The following PHF2 variants were observed in gnomAD, a reference collection of about 807,000 sequenced individuals.
PHF2 encodes lysine-specific demethylase PHF2.
PHF2 carries 27 observed loss-of-function variants against 120.5 expected under a neutral mutation model. The observed-to-expected ratio is 0.22, with a 90% confidence interval of 0.17 to 0.31. The LOEUF is 0.31. Ranked by LOEUF, PHF2 falls within the 10% of genes least tolerant of loss-of-function variation. The probability of loss-of-function intolerance (pLI) is 1.00; values close to 1 mark genes in which losing one functional copy is unlikely to be tolerated. For synonymous variants in PHF2, 568 were observed against 592.5 expected, an observed-to-expected ratio of 0.96 and a Z score of 0.60; for missense variants, 1,024 against 1,434.8, an observed-to-expected ratio of 0.71 and a Z score of 4.63.
At chr9:93,630,632 A>G (rs1000806186) in intron 2 of PHF2, among the ~76,000 whole-genome samples, 5 of 151,932 alleles carry the variant, frequency 3.3e-5, no homozygotes, top group African/African-American at 7.3e-5. Context: ...TGGCCCTTTC[A>G]GGTGTGCTGG....
In PHF2 at chr9:93,676,743, C is replaced by A; in HGVS notation, c.2982C>A (p.Ala994=). Residue 994 remains alanine, a synonymous_variant, in exon 21 of 22, where the codon GCC becomes GCA. Transcript: ENST00000359246. ...ASTTPASTTP[A]STSTASSQAS... is the part of the protein sequence containing the mutation. ...CCACCCCGGCCTCCACCACCCCGGC[C>A]TCCACCAGCACGGCCAGCAGCCAGG... 6.4e-7 allele frequency: 1 copy of A among 1,556,004 alleles called. No individual in the cohort carries two copies.
chr9:93,585,233 A>G (rs1335443253), intron 1 of PHF2, among the ~76,000 whole-genome samples: 1 of 152,220 alleles, frequency 6.6e-6, no homozygotes, highest in Admixed American at 6.5e-5. Context: ...TTTTTGCATC[A>G]GATGTCGAAC....
At chr9:93,659,410 C>G in intron 10 of PHF2, 101 bp from the exon 11 acceptor site, 1 of 926,224 alleles carries the variant, frequency 1.1e-6, no homozygotes. Flanking sequence ...TCATGCTCAT[C>G]TGAGTGGCTC....
intron 2 of PHF2, among the ~76,000 whole-genome samples, chr9:93,632,025 G>C (rs1826010292): frequency 6.6e-6 from 1 of 152,146 alleles, no homozygotes; most frequent in South Asian, 2.1e-4. Context: ...GGGCTGGGCA[G>C]GTTTCACATA....
chr9:93,673,777 G>C lies in PHF2; in HGVS notation c.2541G>C (p.Lys847Asn), dbSNP rs760504806. The C allele has an allele frequency of 6.8e-6, 11 of 1,613,390 alleles. No individual in the cohort carries two copies. Among genetic ancestry groups the C allele is most frequent in the Non-Finnish European group, 9.3e-6 (11 of 1,179,780 alleles). Residue 847 changes from lysine (K) to asparagine (N), a missense_variant, in exon 18 of 22, where the codon AAG (lysine) becomes AAC (asparagine). Lys to Asn is a moderately conservative substitution (Grantham distance 94, BLOSUM62 0). Around this residue, in one of 2 missense-constraint regions of PHF2, gnomAD observed 677 missense variants for 857.4 expected, o/e 0.79. Transcript: ENST00000359246. Reference protein sequence around the residue: ...SGKSAGKRLLKRAAKNSVDLD... With the variant: ...SGKSAGKRLLNRAAKNSVDLD... ...AGAGTGCAGGCAAACGACTGCTGAA[G>C]AGGGCTGCCAAGAACAGTGTCGACC...
In PHF2 at chr9:93,676,920, G is replaced by A; in HGVS notation, c.3159G>A (p.Arg1053=). 2.5e-6 allele frequency: 4 copies of A among 1,575,900 alleles called. No homozygotes were observed. The highest frequency in any genetic ancestry group is 3.5e-6 in the Non-Finnish European group (4 of 1,158,920). The change falls in exon 21 of 22, where the codon AGG becomes AGA. Residue 1053 remains arginine, a synonymous_variant. Transcript: ENST00000359246. ...PMAPGVFLTQ[R]RPSASSPNNN... ...CCCCTGGGGTCTTTCTCACACAGAG[G>A]CGGCCCTCCGCATCGTCTCCAAACA...
intron 1 of PHF2, among the ~76,000 whole-genome samples, chr9:93,608,465 G>A: frequency 6.6e-6 from 1 of 151,476 alleles, no homozygotes; most frequent in Non-Finnish European, 1.5e-5. Context: ...CACAGAATGA[G>A]TAAGGAAGTA....
At chr9:93,631,523 C>T (rs1380765437) in intron 2 of PHF2, among the ~76,000 whole-genome samples, 3 of 152,234 alleles carry the variant, frequency 2.0e-5, no homozygotes, top group Non-Finnish European at 4.4e-5. Flanking sequence ...GCTCATTAAC[C>T]TATCATCTGG....
chr9:93,590,761 C>A (rs1435541344), intron 1 of PHF2, among the ~76,000 whole-genome samples: 1 of 152,214 alleles, frequency 6.6e-6, no homozygotes, highest in East Asian at 1.9e-4. Context: ...CCTGCAGCAT[C>A]CTTCCCCTGA....
chr9:93,606,847 A>G (rs193109282), intron 1 of PHF2, among the ~76,000 whole-genome samples: 52 of 152,132 alleles, frequency 3.4e-4, no homozygotes, highest in African/African-American at 1.2e-3. Context: ...ATTTAGGTCT[A>G]TGATTTAAAG....
chr9:93,673,468 C>A, intron 17 of PHF2, 117 bp from the exon 18 acceptor site: 1 of 918,284 alleles, frequency 1.1e-6, no homozygotes, highest in Non-Finnish European at 1.6e-6. Context: ...CGCCCTCTGC[C>A]TGCCACCTGG....
intron 3 of PHF2, among the ~76,000 whole-genome samples, chr9:93,640,881 A>G (rs1021655280): frequency 6.6e-6 from 1 of 152,166 alleles, no homozygotes; most frequent in Non-Finnish European, 1.5e-5. Context: ...TAAATTTGCT[A>G]TAGCTCTAGG....
intron 2 of PHF2, among the ~76,000 whole-genome samples, chr9:93,630,747 G>A (rs1290379060): frequency 1.3e-5 from 2 of 152,202 alleles, no homozygotes; most frequent in African/African-American, 4.8e-5. Context: ...CAGAGGGGGA[G>A]CTGTGTGGTG....
rs1021115059 is a variant in PHF2 at position 93,576,658 on chromosome 9, C to A, written c.-116C>A. 3,094 of 164,402 alleles carry A rather than the reference C, an allele frequency of 0.019. 228 individuals carry two copies. The highest frequency in any genetic ancestry group is 0.12 in the East Asian group (584 of 4,752). 10.2% of individuals were successfully genotyped at this position (164,402 alleles called of 1,614,324 possible). ...CCCCGTCCCCGTCCCCTCCCGGCCG[C>A]GGCGCCGCCTGCGCCCCGCCGCCCC... On this transcript the variant is annotated 5_prime_UTR_variant, in exon 1 of 22. Transcript: ENST00000359246.
At chr9:93,608,720 G>A (rs1825585863) in intron 1 of PHF2, among the ~76,000 whole-genome samples, 1 of 152,064 alleles carries the variant, frequency 6.6e-6, no homozygotes, top group African/African-American at 2.4e-5. Flanking sequence ...TTGAATTTGT[G>A]GGCATAGTGT....
At chr9:93,667,333 C>A (rs963884968) in intron 17 of PHF2, 93 bp downstream of exon 17, 21 of 1,460,442 alleles carry the variant, frequency 1.4e-5, no homozygotes, top group Non-Finnish European at 2.0e-5. Context: ...GCGAGGCAGA[C>A]GCACAGCTGG....
Position 93,677,740 on chromosome 9 carries a change from C to A in PHF2, c.*64C>A. On this transcript the variant is annotated 3_prime_UTR_variant, in exon 22 of 22. Coordinates refer to ENST00000359246, the MANE Select transcript of PHF2 (RefSeq NM_005392.4). The surrounding 1 kb of genome is among the most constrained non-coding windows in gnomAD (Gnocchi z 4.4). Reference sequence around the variant, plus strand: ...CCCCGGAGCCCCGCGAAAACATCTGCCTCCCAGGAGGGTGCCGAGCTGCCT... The same window carrying A: ...CCCCGGAGCCCCGCGAAAACATCTGACTCCCAGGAGGGTGCCGAGCTGCCT... 1.5e-6 allele frequency: 2 copies of A among 1,290,776 alleles called. No homozygotes were observed. Among genetic ancestry groups the A allele is most frequent in the East Asian group, 2.3e-5 (1 of 43,048 alleles). 80.0% of individuals were successfully genotyped at this position (1,290,776 alleles called of 1,614,324 possible). A position where few individuals can be genotyped will look rare whatever the true frequency, so the allele number is the denominator to read the frequency against.
At chr9:93,627,980 A>G (rs769695816) in intron 1 of PHF2, among the ~76,000 whole-genome samples, 2 of 152,212 alleles carry the variant, frequency 1.3e-5, no homozygotes, top group African/African-American at 2.4e-5. Flanking sequence ...CTGCTGTCCC[A>G]TCCTCCAGGA....
At position 93,669,664 on chromosome 9, in the gene PHF2, C is replaced by T. The variant is rs192693195; in HGVS notation, c.2348+2424C>T. 9.2e-5 allele frequency among the ~76,000 whole-genome samples: 14 copies of T among 152,286 alleles called. No individual in the cohort carries two copies. The East Asian group carries it at 2.3e-3, about 25-fold the overall frequency. ...GCACTGGGCATCTTCCTGAGTCTGC[C>T]GGACCCTCAGAGAGCAGTGGGTTCG... On this transcript the variant is annotated intron_variant, in intron 17 of 21. Transcript: ENST00000359246.
Sources: gnomAD v4.1 joint callset for allele counts (sites outside exome capture counted in the v4.1 genomes callset) on GRCh38, gnomAD v4.1.1 for gene constraint, gnomAD v4.1.1 regional missense constraint, Gnocchi (gnomAD v3.1) non-coding constraint, MANE v1.5 for transcripts, NCBI Gene and HGNC (gene_info 2026-07-23, HGNC 2026-07-21) for gene names.